GABRG3: variants seen among roughly 807,000 people sequenced by gnomAD.
The protein encoded by GABRG3 is gamma-aminobutyric acid receptor subunit gamma-3.
Under a neutral mutation model 48.8 loss-of-function variants are expected in GABRG3, and 25 were observed. The observed-to-expected ratio is 0.51, with a 90% CI of 0.37 to 0.72. The LOEUF (loss-of-function observed/expected upper bound fraction) is 0.72, where lower values mean the gene tolerates loss of function less well. GABRG3 is among the 30% of genes least tolerant of loss of function. The probability of loss-of-function intolerance (pLI) is 0.00; values close to 1 mark genes in which losing one functional copy is unlikely to be tolerated. For synonymous variants in GABRG3, 227 were observed against 217.6 expected (o/e 1.04, Z -0.38); for missense variants, 394 against 577.9 (o/e 0.68, Z 3.26).
chr15:27,322,304 G>C (rs1463751126), intron 3 of GABRG3, among the ~76,000 whole-genome samples: 1 of 152,138 alleles, frequency 6.6e-6, no homozygotes, highest in African/African-American at 2.4e-5. Context: ...CTTGCACCCG[G>C]AACACTGTAG....
At chr15:27,101,253 G>T (rs1897351368) in intron 3 of GABRG3, among the ~76,000 whole-genome samples, 2 of 152,068 alleles carry the variant, frequency 1.3e-5, no homozygotes, top group Non-Finnish European at 2.9e-5. Flanking sequence ...TAACAAACAG[G>T]TACAGAATCT....
intron 3 of GABRG3, among the ~76,000 whole-genome samples, chr15:27,206,744 T>C (rs1008951431): frequency 6.6e-6 from 1 of 152,184 alleles, no homozygotes; most frequent in Non-Finnish European, 1.5e-5. Context: ...CAGTGTCGGG[T>C]GCATATATAT....
chr15:27,107,405 C>T (rs1482077717), intron 3 of GABRG3, among the ~76,000 whole-genome samples: 2 of 151,896 alleles, frequency 1.3e-5, no homozygotes, highest in Non-Finnish European at 2.9e-5. Context: ...AATGAAGCCT[C>T]CTTGCTTGTG....
rs1370349694 is a variant in GABRG3, at chr15:27,236,589, T to C, written c.271-90220T>C. 1.3e-5 allele frequency among the ~76,000 whole-genome samples: 2 copies of C among 152,172 alleles called. No homozygotes were observed. The highest frequency in any genetic ancestry group is 1.9e-4 in the East Asian group (1 of 5,184). ...CCTGAGGCCAGGATCAGACTCCGCC[T>C]CCCTCTTTACAGCCTCAGCGTGACA... is the stretch of plus-strand genomic sequence containing the variant. On this transcript the variant is annotated intron_variant, in intron 3 of 9. Transcript: ENST00000615808. The surrounding 1 kb of genome is among the most constrained non-coding windows in gnomAD (Gnocchi z 4.4).
intron 3 of GABRG3, among the ~76,000 whole-genome samples, chr15:27,310,749 A>T (rs927159101): frequency 1.3e-5 from 2 of 152,166 alleles, no homozygotes; most frequent in African/African-American, 4.8e-5. Context: ...CTACAATGAG[A>T]AGGATAGTGG....
At chr15:27,077,611 A>G (rs1161959156) in intron 3 of GABRG3, among the ~76,000 whole-genome samples, 2 of 152,188 alleles carry the variant, frequency 1.3e-5, no homozygotes, top group Non-Finnish European at 2.9e-5. Flanking sequence ...ACCCCGTGTG[A>G]GCCTTCTTCC....
chr15:27,109,432 C>G (rs1171955547), intron 3 of GABRG3, among the ~76,000 whole-genome samples: 1 of 152,162 alleles, frequency 6.6e-6, no homozygotes, highest in African/African-American at 2.4e-5. Context: ...TCTACTGTTA[C>G]AGTATCATAC....
At chr15:27,226,403 G>A (rs1053603176) in intron 3 of GABRG3, among the ~76,000 whole-genome samples, 2 of 152,140 alleles carry the variant, frequency 1.3e-5, no homozygotes, top group African/African-American at 4.8e-5. Context: ...AGCAAATCGC[G>A]GCCACTAAGT....
chr15:27,499,704 A>G (rs8031708), intron 6 of GABRG3, among the ~76,000 whole-genome samples: 80,560 of 152,070 alleles, frequency 0.53, 21,866 homozygotes, highest in African/African-American at 0.64. Context: ...CAATGTCTAC[A>G]ACTTCAGCAC....
At chr15:27,433,453 C>G (rs1457459588) in intron 5 of GABRG3, among the ~76,000 whole-genome samples, 1 of 152,184 alleles carries the variant, frequency 6.6e-6, no homozygotes, top group Non-Finnish European at 1.5e-5. Flanking sequence ...TCTCCTTCAG[C>G]TGTTGCCTGG....
chr15:27,504,523 G>A (rs1890718160), intron 6 of GABRG3, among the ~76,000 whole-genome samples: 1 of 152,048 alleles, frequency 6.6e-6, no homozygotes, highest in South Asian at 2.1e-4. Context: ...CAAACTTTGT[G>A]CTATTGTGAT....
intron 3 of GABRG3, among the ~76,000 whole-genome samples, chr15:27,309,101 CAG>C (rs1186660616): frequency 2.2e-5 from 3 of 139,080 alleles, no homozygotes; most frequent in Admixed American, 6.9e-5. Context: ...AATGTAAACA[CAG>C]ATGTTTATAT....
intron 3 of GABRG3, among the ~76,000 whole-genome samples, chr15:27,121,169 A>G (rs371242275): frequency 7.2e-5 from 11 of 152,240 alleles, no homozygotes; most frequent in South Asian, 4.1e-4. Flanking sequence ...CGTCAGCCCC[A>G]TGATGGGAAC....
rs1278004274 is a variant in GABRG3, at chr15:27,265,880, TG to T, written c.271-60927del. On this transcript the variant is annotated intron_variant, in intron 3 of 9. Coordinates refer to ENST00000615808, the MANE Select transcript of GABRG3 (RefSeq NM_033223.5). ...ATGCAAGGTCAAGAAGATTTTCTCC[TG>T]GTTTTTTTTTTTTTTTGAGAGTGAC... Among the ~76,000 whole-genome samples the T allele has an allele frequency of 1.1e-4, 13 of 115,118 alleles. No individual in the cohort carries two copies. In the East Asian group the frequency reaches 2.5e-3, roughly 22 times the overall value. 75.5% of individuals were successfully genotyped at this position (115,118 alleles called of 152,430 possible).
At chr15:27,383,510 A>G (rs920772203) in intron 5 of GABRG3, among the ~76,000 whole-genome samples, 3 of 152,152 alleles carry the variant, frequency 2.0e-5, no homozygotes, top group Non-Finnish European at 4.4e-5. Context: ...ATTCTGATGT[A>G]TGCTTGTTTC....
At chr15:27,401,459 A>G (rs1887471855) in intron 5 of GABRG3, among the ~76,000 whole-genome samples, 1 of 152,236 alleles carries the variant, frequency 6.6e-6, no homozygotes, top group Admixed American at 6.5e-5. Context: ...CCAAAACAAT[A>G]TTTGAAAATG....
intron 3 of GABRG3, among the ~76,000 whole-genome samples, chr15:27,274,009 T>A (rs1411450894): frequency 6.6e-6 from 1 of 152,174 alleles, no homozygotes; most frequent in Non-Finnish European, 1.5e-5. Flanking sequence ...CTTGCGCATG[T>A]GGTTGTTGGT....
At chr15:27,243,129 T>C (rs1890177305) in intron 3 of GABRG3, among the ~76,000 whole-genome samples, 1 of 152,152 alleles carries the variant, frequency 6.6e-6, no homozygotes, top group East Asian at 1.9e-4. Context: ...TTCACAAATA[T>C]CTTCTGCCTC....
rs548913414 is a variant in GABRG3 at position 27,125,066 on chromosome 15, A to G, written c.270+98245A>G. ...AATGACAGCAGCCAGTTGCATTTCCAAAACATTTTAATTTAATTATATTTC... is the reference window on the plus strand; with the variant it reads ...AATGACAGCAGCCAGTTGCATTTCCGAAACATTTTAATTTAATTATATTTC... On this transcript the variant is annotated intron_variant, in intron 3 of 9. Transcript: ENST00000615808. 3.3e-5 allele frequency among the ~76,000 whole-genome samples: 5 copies of G among 152,286 alleles called. No individual in the cohort carries two copies. In the South Asian group the frequency reaches 1.0e-3, roughly 32 times the overall value.
Sources: gnomAD v4.1 joint callset for allele counts (sites outside exome capture counted in the v4.1 genomes callset) on GRCh38, gnomAD v4.1.1 for gene constraint, Gnocchi (gnomAD v3.1) non-coding constraint, MANE v1.5 for transcripts, NCBI Gene and HGNC (gene_info 2026-07-23, HGNC 2026-07-21) for gene names.